The following UBXN8 variants were observed in gnomAD, a reference collection of about 807,000 sequenced individuals.
UBXN8 encodes the protein UBX domain protein 8.
Under a neutral mutation model 32.1 loss-of-function variants are expected in UBXN8, and 27 were observed. The observed-to-expected ratio is 0.84, with a 90% CI of 0.62 to 1.16. The LOEUF (loss-of-function observed/expected upper bound fraction) is 1.16, where lower values mean the gene tolerates loss of function less well. Among genes scored for constraint, UBXN8 ranks in the 50% most tolerant of loss-of-function variants. The probability of loss-of-function intolerance (pLI) is 0.00; values close to 1 mark genes in which losing one functional copy is unlikely to be tolerated. For missense variants in UBXN8, 306 were observed against 311.4 expected (o/e 0.98, Z 0.13); for synonymous variants, 109 against 111.8 (o/e 0.98, Z 0.16).
upstream of UBXN8, chr8:30,732,171 C>T (rs909662348): frequency 1.1e-4 from 37 of 345,906 alleles, no homozygotes; most frequent in African/African-American, 3.9e-4. Flanking sequence ...CCACCATCTT[C>T]GGGGAGGCAT....
chr8:30,750,243 G>A (rs1297578652), intron 1 of UBXN8, among the ~76,000 whole-genome samples: 4 of 151,984 alleles, frequency 2.6e-5, no homozygotes, highest in Admixed American at 6.6e-5. Context: ...AGGCCGAGGC[G>A]AGCAGATTGC....
At chr8:30,752,967 T>C (rs1805553312) in intron 2 of UBXN8, 68 bp from the exon 3 acceptor site, 3 of 1,439,456 alleles carry the variant, frequency 2.1e-6, no homozygotes, top group Non-Finnish European at 2.7e-6. Flanking sequence ...TGATACATTA[T>C]TTGATTGGTT....
intron 7 of UBXN8, among the ~76,000 whole-genome samples, 164 bp downstream of exon 7, chr8:30,763,511 T>G (rs1056647798): frequency 2.6e-5 from 4 of 152,234 alleles, no homozygotes; most frequent in African/African-American, 9.6e-5. Flanking sequence ...TTTGGCTAAC[T>G]AGGCATGCCT....
intron 3 of UBXN8, among the ~76,000 whole-genome samples, chr8:30,753,509 G>A (rs773828363): frequency 6.6e-6 from 1 of 151,942 alleles, no homozygotes; most frequent in Non-Finnish European, 1.5e-5. Context: ...CACCTGCCTC[G>A]GCCTCCCAAA....
chr8:30,752,886 A>C, intron 2 of UBXN8, 149 bp from the exon 3 acceptor site: 1 of 916,458 alleles, frequency 1.1e-6, no homozygotes, highest in Non-Finnish European at 1.5e-6. Flanking sequence ...ATACTATTCA[A>C]CCCAAACATA....
chr8:30,744,153 G>T, upstream of UBXN8: 2 of 1,598,096 alleles, frequency 1.3e-6, no homozygotes, highest in Non-Finnish European at 1.7e-6. Context: ...GGCCGGAAGG[G>T]GCGGGCTTTC....
At chr8:30,742,978 T>C (rs1331684254), upstream of UBXN8, among the ~76,000 whole-genome samples, 1 of 152,096 alleles carries the variant, frequency 6.6e-6, no homozygotes, top group Admixed American at 6.6e-5. Flanking sequence ...TATTTGAATA[T>C]CCAAGAGTTG....
At chr8:30,753,840 A>G (rs988954220) in intron 3 of UBXN8, among the ~76,000 whole-genome samples, 15 of 139,528 alleles carry the variant, frequency 1.1e-4, no homozygotes, top group Non-Finnish European at 1.8e-4. Context: ...TGGTACAACC[A>G]TACCTCACTG....
intron 5 of UBXN8, among the ~76,000 whole-genome samples, chr8:30,760,157 G>A (rs1162339968): frequency 1.3e-5 from 2 of 148,254 alleles, no homozygotes; most frequent in Admixed American, 1.3e-4. Flanking sequence ...TGCTTCATGG[G>A]TTCCAAGCGA....
chr8:30,742,498 C>T (rs748670672), upstream of UBXN8, among the ~76,000 whole-genome samples: 13 of 152,090 alleles, frequency 8.5e-5, no homozygotes, highest in Admixed American at 3.3e-4. Flanking sequence ...GCACAGGCTA[C>T]GCCATCACGC....
intron 6 of UBXN8, among the ~76,000 whole-genome samples, chr8:30,761,375 G>T (rs1248082700): frequency 6.6e-6 from 1 of 152,022 alleles, no homozygotes; most frequent in African/African-American, 2.4e-5. Context: ...CTCCCAAGTA[G>T]CTGGGATTAC....
At chr8:30,735,802 G>A (rs746734391) in intron 1 of UBXN8, among the ~76,000 whole-genome samples, 9 of 152,320 alleles carry the variant, frequency 5.9e-5, no homozygotes, top group African/African-American at 2.2e-4. Context: ...TCACACTACC[G>A]CACCCCAGCC....
At chr8:30,758,916 C>T (rs1234160944) in intron 5 of UBXN8, among the ~76,000 whole-genome samples, 7 of 103,050 alleles carry the variant, frequency 6.8e-5, no homozygotes, top group African/African-American at 1.1e-4. Flanking sequence ...TTTTTTGAGA[C>T]GGAGTCTCGC....
intron 1 of UBXN8, among the ~76,000 whole-genome samples, chr8:30,738,848 C>T (rs963860930): frequency 2.0e-5 from 3 of 150,424 alleles, no homozygotes; most frequent in Admixed American, 6.7e-5. Context: ...CCCAGCTACA[C>T]GGGAGGCTGA....
At chr8:30,733,892 A>G (rs1342531594) in intron 1 of UBXN8, 1 of 152,224 alleles carries the variant, frequency 6.6e-6, no homozygotes, top group Non-Finnish European at 1.5e-5. Context: ...ATTAATTCGG[A>G]GTAGCGGTTT....
At position 30,762,431 on chromosome 8, in the gene UBXN8, T is replaced by C. The variant is rs148384337; in HGVS notation, c.571-842T>C. ...GTTTTTGAGACTGAGTCTCACCGCA[T>C]TGCTCAAGCTGGAGTGCAATGGCAC... is the stretch of plus-strand genomic sequence containing the variant. On this transcript the variant is annotated intron_variant, in intron 6 of 7. Coordinates refer to ENST00000265616, the MANE Select transcript of UBXN8 (RefSeq NM_005671.4). Among the ~76,000 whole-genome samples the C allele has an allele frequency of 5.7e-4, 86 of 151,882 alleles. 1 individual carries two copies. The highest frequency in any genetic ancestry group is 1.1e-3 in the Non-Finnish European group (74 of 67,978).
chr8:30,753,160 G>A lies in UBXN8; in HGVS notation c.282+55G>A, dbSNP rs1038745597. On this transcript the variant is annotated intron_variant, in intron 3 of 7. Coordinates refer to ENST00000265616, the MANE Select transcript of UBXN8 (RefSeq NM_005671.4). ...GTAGAGAAATACAAAAATCTCTGAG[G>A]CAATTAAAATTAAGGGCTGTTGCTT... 16 of 1,427,098 alleles carry A rather than the reference G, an allele frequency of 1.1e-5. No individual in the cohort carries two copies. In the East Asian group the frequency reaches 4.1e-4, roughly 36 times the overall value. 88.4% of individuals were successfully genotyped at this position (1,427,098 alleles called of 1,614,324 possible).
In UBXN8 at chr8:30,736,438, A is replaced by G. The variant is rs535408694; in HGVS notation, c.622+3130A>G. Reference sequence around the variant, plus strand: ...TACTACTCCTATTCTGAATATAAATATGTGGTATTGTTTCTGTAACTGTTT... The same window carrying G: ...TACTACTCCTATTCTGAATATAAATGTGTGGTATTGTTTCTGTAACTGTTT... On this transcript the variant is annotated intron_variant, in intron 1 of 1. Coordinates refer to the UBXN8 transcript ENST00000522968. Among the ~76,000 whole-genome samples the G allele has an allele frequency of 6.7e-4, 102 of 152,224 alleles. 3 individuals are homozygous for G. The South Asian group carries it at 0.02, about 30-fold the overall frequency.
chr8:30,764,370 A>G (rs974429063), intron 7 of UBXN8, among the ~76,000 whole-genome samples: 1 of 152,180 alleles, frequency 6.6e-6, no homozygotes, highest in Non-Finnish European at 1.5e-5. Flanking sequence ...GGGTTTTGCC[A>G]TGTTGGCCAG....
Sources: gnomAD v4.1 joint callset for allele counts (sites outside exome capture counted in the v4.1 genomes callset) on GRCh38, gnomAD v4.1.1 for gene constraint, MANE v1.5 for transcripts, NCBI Gene and HGNC (gene_info 2026-07-23, HGNC 2026-07-21) for gene names.